Variants in NUMB observed in about 807,000 individuals in gnomAD.
NUMB encodes the protein protein numb homolog.
Under a neutral mutation model 59.7 loss-of-function variants are expected in NUMB, and 29 were observed. That is an observed-to-expected ratio of 0.49 (90% CI 0.36 to 0.66). The LOEUF is 0.66. NUMB is among the 30% of genes least tolerant of loss of function. NUMB has a pLI of 0.00. For synonymous variants in NUMB, 288 were observed against 288.2 expected, an observed-to-expected ratio of 1.00 and a Z score of 0.01; for missense variants, 723 against 822.0, an observed-to-expected ratio of 0.88 and a Z score of 1.47.
intron 4 of NUMB, among the ~76,000 whole-genome samples, chr14:73,341,312 T>C (rs1385842141): frequency 6.6e-6 from 1 of 152,116 alleles, no homozygotes; most frequent in East Asian, 1.9e-4. Flanking sequence ...TTTATGAATA[T>C]AGGATACCAA....
intron 1 of NUMB, among the ~76,000 whole-genome samples, chr14:73,417,176 C>T (rs188080133): frequency 1.3e-5 from 2 of 152,200 alleles, no homozygotes; most frequent in Non-Finnish European, 2.9e-5. Context: ...CCTCTGCATT[C>T]ACCACCCTCA....
At chr14:73,415,003 T>C (rs1464072221) in intron 1 of NUMB, among the ~76,000 whole-genome samples, 1 of 152,034 alleles carries the variant, frequency 6.6e-6, no homozygotes, top group Non-Finnish European at 1.5e-5. Context: ...ACAGGTGCGC[T>C]ACCACGCCCA....
chr14:73,318,559 C>T (rs1361395782), intron 5 of NUMB, among the ~76,000 whole-genome samples: 1 of 152,146 alleles, frequency 6.6e-6, no homozygotes. Flanking sequence ...TAGAGTTAAG[C>T]AAGATAACCA....
rs1486801491 is a variant in NUMB at position 73,276,884 on chromosome 14, G to A, written c.1650C>T (p.Pro550=). 5 of 1,614,066 alleles carry A rather than the reference G, an allele frequency of 3.1e-6. No homozygotes were observed. The highest frequency in any genetic ancestry group is 4.2e-6 in the Non-Finnish European group (5 of 1,179,940). ...GCCTGACCAGGCTGGGTGACTGATG[G>A]GGATGGGCAGCCTGAGGGTGGCCTG... ...GTAGHPQAAH[P]HQSPSLVRQQ... The change falls in exon 13 of 13, where the codon CCC becomes CCT. Residue 550 remains proline, a synonymous_variant. Transcript: ENST00000555238.
chr14:73,298,188 C>G (rs1250577502), intron 6 of NUMB: 4 of 152,342 alleles, frequency 2.6e-5, no homozygotes, highest in Non-Finnish European at 4.4e-5. Flanking sequence ...TGTGCCCAGC[C>G]TCTAATAATT....
At chr14:73,308,830 A>G (rs1038513822) in intron 6 of NUMB, among the ~76,000 whole-genome samples, 2 of 152,154 alleles carry the variant, frequency 1.3e-5, no homozygotes, top group Non-Finnish European at 2.9e-5. Context: ...GGAGTGAGAG[A>G]TGGGCTATGT....
At chr14:73,407,262 G>A (rs985375457) in intron 2 of NUMB, among the ~76,000 whole-genome samples, 1 of 152,038 alleles carries the variant, frequency 6.6e-6, no homozygotes, top group African/African-American at 2.4e-5. Flanking sequence ...GACAAGCCTG[G>A]GCAATACAGC....
chr14:73,431,246 C>T (rs1480759360), intron 1 of NUMB, among the ~76,000 whole-genome samples: 3 of 147,690 alleles, frequency 2.0e-5, no homozygotes, highest in Non-Finnish European at 3.0e-5. Flanking sequence ...TGAGCCACCG[C>T]ACTTGGCTTT....
At position 73,284,194 on chromosome 14, in the gene NUMB, C is replaced by A; in HGVS notation, c.836G>T (p.Gly279Val). 6.2e-7 allele frequency: 1 copy of A among 1,614,122 alleles called. No homozygotes were observed. The highest frequency in any genetic ancestry group is 1.7e-5 in the Admixed American group (1 of 60,020). The change falls in exon 10 of 13, where the codon GGT becomes GTT. Residue 279 changes from glycine (G) to valine (V), a missense_variant. This residue lies in a region of NUMB where 317 missense variants were observed against 436.6 expected (regional missense o/e 0.73). Transcript: ENST00000555238. ...CATCTTCTGGCTAAGAGCAGGAAAA[C>A]CTCGGAAAGAGCCTTGGCGAGCAAG... ...EQLARQGSFR[G>V]FPALSQKMSP...
intron 4 of NUMB, among the ~76,000 whole-genome samples, chr14:73,348,167 T>A (rs1413667658): frequency 6.6e-6 from 1 of 152,222 alleles, no homozygotes; most frequent in Non-Finnish European, 1.5e-5. Flanking sequence ...TATATCTGAC[T>A]GAGGAAATGC....
At chr14:73,406,092 G>GTT (rs551368866) in intron 2 of NUMB, among the ~76,000 whole-genome samples, 1,933 of 107,422 alleles carry the variant, frequency 0.018, 34 homozygotes, top group African/African-American at 0.064. Context: ...ACATATTTTT[G>GTT]TTTTTTTTTT....
chr14:73,290,058 T>G (rs943341331), intron 8 of NUMB, among the ~76,000 whole-genome samples: 7 of 152,180 alleles, frequency 4.6e-5, no homozygotes, highest in Admixed American at 2.0e-4. Context: ...TCCAGGTGAT[T>G]TTGATACAGT....
chr14:73,317,427 G>A (rs1249996414), intron 5 of NUMB, among the ~76,000 whole-genome samples: 3 of 152,048 alleles, frequency 2.0e-5, no homozygotes, highest in Admixed American at 6.5e-5. Context: ...TCGGCCTCCC[G>A]AGTAGCTAGG....
chr14:73,304,275 G>T (rs79146930), intron 6 of NUMB, among the ~76,000 whole-genome samples: 3 of 112,462 alleles, frequency 2.7e-5, no homozygotes, highest in Non-Finnish European at 3.7e-5. Flanking sequence ...TCCAGGCTTT[G>T]TTTCTTTAAG....
intron 3 of NUMB, among the ~76,000 whole-genome samples, chr14:73,361,801 T>C (rs1029253813): frequency 2.0e-5 from 3 of 152,126 alleles, no homozygotes; most frequent in Non-Finnish European, 4.4e-5. Flanking sequence ...CTCAAGGTCT[T>C]GAATGATATA....
At chr14:73,280,710 T>G (rs1340500920) in intron 11 of NUMB, among the ~76,000 whole-genome samples, 3 of 121,142 alleles carry the variant, frequency 2.5e-5, no homozygotes, top group African/African-American at 1.0e-4. Flanking sequence ...TTTTTTTTTT[T>G]GAGATGGGGT....
chr14:73,352,445 C>A (rs1339899994), intron 4 of NUMB, among the ~76,000 whole-genome samples: 2 of 47,546 alleles, frequency 4.2e-5, no homozygotes, highest in African/African-American at 1.0e-4. Flanking sequence ...CACACACACA[C>A]ACACACACAC....
chr14:73,357,140 C>T (rs1025286905), intron 3 of NUMB: 3 of 329,676 alleles, frequency 9.1e-6, no homozygotes, highest in South Asian at 2.4e-4. Context: ...TGGCGGCTCA[C>T]CCCTGTAATC....
chr14:73,326,101 A>C (rs1891647463), intron 4 of NUMB, among the ~76,000 whole-genome samples: 3 of 152,132 alleles, frequency 2.0e-5, no homozygotes, highest in South Asian at 4.1e-4. Context: ...GTACCAAAGA[A>C]GGCACAGGAA....
Sources: gnomAD v4.1 joint callset for allele counts (sites outside exome capture counted in the v4.1 genomes callset) on GRCh38, gnomAD v4.1.1 for gene constraint, gnomAD v4.1.1 regional missense constraint, MANE v1.5 for transcripts, NCBI Gene and HGNC (gene_info 2026-07-23, HGNC 2026-07-21) for gene names.